Variants in TADA2A observed in about 807,000 individuals in gnomAD.
TADA2A encodes transcriptional adapter 2-alpha.
TADA2A carries 38 observed loss-of-function variants against 67.4 expected under a neutral mutation model. The ratio of observed to expected loss-of-function variants is 0.56; its 90% CI spans 0.44 to 0.74. TADA2A has a LOEUF of 0.74. TADA2A is among the 30% of genes least tolerant of loss of function. The probability of loss-of-function intolerance (pLI) is 0.00; values close to 1 mark genes in which losing one functional copy is unlikely to be tolerated. For missense variants in TADA2A, 454 were observed against 547.0 expected (o/e 0.83, Z 1.70); for synonymous variants, 192 against 181.6 (o/e 1.06, Z -0.46).
At chr17:37,442,528 T>C in intron 6 of TADA2A, 36 bp from the exon 7 acceptor site, 2 of 1,516,068 alleles carry the variant, frequency 1.3e-6, no homozygotes, top group South Asian at 2.3e-5. Flanking sequence ...GCCAATATTG[T>C]ATTAGTTAAC....
Position 37,422,797 on chromosome 17 carries a change from G to A in TADA2A, c.26-712G>A, listed in dbSNP as rs147469178. Among the ~76,000 whole-genome samples the A allele has an allele frequency of 3.2e-4, 48 of 152,202 alleles. 1 individual carries two copies. The highest frequency in any genetic ancestry group is 1.2e-3 in the African/African-American group (48 of 41,518). ...AATTACAGGGTAAGCTAATGTGGCC[G>A]GCCTACAGTGATTATTTATATGCTT... On this transcript the variant is annotated intron_variant, in intron 2 of 15. Transcript: ENST00000615182.
At chr17:37,464,245 A>G (rs2053611415) in intron 10 of TADA2A, among the ~76,000 whole-genome samples, 1 of 152,204 alleles carries the variant, frequency 6.6e-6, no homozygotes, top group Non-Finnish European at 1.5e-5. Context: ...ATAAAACTTC[A>G]TTAGCAGTAA....
chr17:37,426,188 C>T (rs542121627), intron 3 of TADA2A, among the ~76,000 whole-genome samples: 5 of 152,118 alleles, frequency 3.3e-5, no homozygotes, highest in East Asian at 1.9e-4. Flanking sequence ...GGCTGAAATA[C>T]GGTTTCAGAG....
rs55935249 is a variant in TADA2A at position 37,458,637 on chromosome 17, TTGTGTGTG to T, written c.668+80_668+87del. On this transcript the variant is annotated intron_variant, in intron 9 of 15. Transcript: ENST00000615182. ...CTCCTTTCAGCTTTGGATTATTGTT[TTGTGTGTG>T]TGTGTGTGTGTGTGTGTGTGTGTGT... 3.2e-3 allele frequency: 3,143 copies of T among 978,364 alleles called. 2 individuals carry two copies. Among genetic ancestry groups the T allele is most frequent in the Middle Eastern group, 6.0e-3 (19 of 3,188 alleles). 60.6% of individuals were successfully genotyped at this position (978,364 alleles called of 1,614,324 possible). A position where few individuals can be genotyped will look rare whatever the true frequency, so the allele number is the denominator to read the frequency against.
rs547377630 is a variant in TADA2A, at chr17:37,478,372, C to T, written c.*1390C>T. 1 of 152,262 alleles carries T rather than the reference C, an allele frequency of 6.6e-6. No individual in the cohort carries two copies. The highest frequency in any genetic ancestry group is 1.9e-4 in the East Asian group (1 of 5,186). 9.4% of individuals were successfully genotyped at this position (152,262 alleles called of 1,614,324 possible). On this transcript the variant is annotated 3_prime_UTR_variant, in exon 16 of 16. Coordinates refer to ENST00000615182, the MANE Select transcript of TADA2A (RefSeq NM_001166105.3). ...GCTGTCACATGTGTCCTGAACTCAC[C>T]CTGTTTTTGCCCTGGGTTTCCCAGG...
chr17:37,463,847 G>A (rs1278060295), intron 10 of TADA2A, among the ~76,000 whole-genome samples: 1 of 151,944 alleles, frequency 6.6e-6, no homozygotes, highest in Non-Finnish European at 1.5e-5. Context: ...CAACTACTCA[G>A]GAGGCTGAGG....
At position 37,417,953 on chromosome 17, in the gene TADA2A, A is replaced by G. The variant is rs141749632; in HGVS notation, c.26-5556A>G. On this transcript the variant is annotated intron_variant, in intron 2 of 15. Transcript: ENST00000615182. ...ATAATAAAGCAATATGTATTTCAAT[A>G]TGTTTAGACATAATTACAATAGAAG... is the stretch of plus-strand genomic sequence containing the variant. Among the ~76,000 whole-genome samples the G allele has an allele frequency of 1.1e-3, 166 of 152,360 alleles. 3 individuals are homozygous for G. In the East Asian group the frequency reaches 0.027, roughly 25 times the overall value.
chr17:37,428,435 C>G (rs1246778055), intron 4 of TADA2A, among the ~76,000 whole-genome samples: 1 of 152,224 alleles, frequency 6.6e-6, no homozygotes, highest in Non-Finnish European at 1.5e-5. Context: ...AGGCTGTCTG[C>G]ATTCCCTGGC....
At chr17:37,476,281 C>A (rs750958390) in intron 15 of TADA2A, among the ~76,000 whole-genome samples, 5 of 152,196 alleles carry the variant, frequency 3.3e-5, no homozygotes, top group Non-Finnish European at 7.3e-5. Context: ...GTTACCTCCT[C>A]TTAGCAAGGT....
intron 2 of TADA2A, among the ~76,000 whole-genome samples, chr17:37,412,568 G>C (rs2051910915): frequency 6.6e-6 from 1 of 152,152 alleles, no homozygotes; most frequent in African/African-American, 2.4e-5. Context: ...GGTGGATCAT[G>C]AGGTCAGGAG....
intron 14 of TADA2A, 132 bp downstream of exon 14, chr17:37,471,269 C>A: frequency 1.2e-6 from 1 of 852,382 alleles, no homozygotes; most frequent in South Asian, 1.5e-5. Context: ...AAGTGTTAGC[C>A]CAATATATAA....
In TADA2A at chr17:37,411,261, G is replaced by C; in HGVS notation, c.-97-8G>C. The stretch of plus-strand genomic sequence containing the variant: ...TCTGATCCATGTGCCACTTTTGTTT[G>C]TTCCTAGGGAGTCATCAAGCTTTGG... On this transcript the variant is annotated splice_polypyrimidine_tract_variant and splice_region_variant and intron_variant, in intron 1 of 15. Transcript: ENST00000615182. The C allele has an allele frequency of 9.4e-7, 1 of 1,060,306 alleles. No homozygotes were observed. Among genetic ancestry groups the C allele is most frequent in the Non-Finnish European group, 1.5e-6 (1 of 685,062 alleles). The allele number at this position is 1,060,306 out of a possible 1,614,324, so 65.7% of individuals were successfully genotyped here.
chr17:37,472,100 C>CT (rs1476155626), intron 14 of TADA2A, among the ~76,000 whole-genome samples: 4 of 151,680 alleles, frequency 2.6e-5, no homozygotes, highest in African/African-American at 9.7e-5. Context: ...GAGTCTCGCT[C>CT]TGTCACCCAG....
chr17:37,468,730 G>A lies in TADA2A; in HGVS notation c.895+1205G>A, dbSNP rs1209443450. On this transcript the variant is annotated intron_variant, in intron 12 of 15. Transcript: ENST00000615182. ...GTGTAAAGATTTAATTAGAGATACT[G>A]CATATAAGCATAGCACAGTATCTGG... Among the ~76,000 whole-genome samples, 3 of 142,588 alleles carry A rather than the reference G, an allele frequency of 2.1e-5. No individual in the cohort carries two copies. The Admixed American group carries it at 2.3e-4, about 11-fold the overall frequency. 93.5% of individuals were successfully genotyped at this position (142,588 alleles called of 152,430 possible). A position where few individuals can be genotyped will look rare whatever the true frequency, so the allele number is the denominator to read the frequency against.
chr17:37,418,782 T>A (rs1248153916), intron 2 of TADA2A, among the ~76,000 whole-genome samples: 1 of 151,836 alleles, frequency 6.6e-6, no homozygotes, highest in East Asian at 1.9e-4. Context: ...AGAGGTGGGG[T>A]TTCACCATGT....
At chr17:37,475,504 G>A (rs551136951) in intron 15 of TADA2A, among the ~76,000 whole-genome samples, 18 of 151,868 alleles carry the variant, frequency 1.2e-4, no homozygotes, top group African/African-American at 4.1e-4. Context: ...TGAAAGTCTC[G>A]CTCTGTTACC....
chr17:37,411,969 G>T (rs1014558542), intron 2 of TADA2A, among the ~76,000 whole-genome samples: 2 of 151,618 alleles, frequency 1.3e-5, no homozygotes, highest in Non-Finnish European at 2.9e-5. Flanking sequence ...CCAGCACTTT[G>T]GGAGGCCGAG....
intron 1 of TADA2A, among the ~76,000 whole-genome samples, chr17:37,409,489 G>C (rs1194432336): frequency 1.3e-5 from 2 of 152,164 alleles, no homozygotes; most frequent in Non-Finnish European, 2.9e-5. Context: ...TGAGTGGGCC[G>C]GGTGCGGTGG....
rs1030003158 is a variant in TADA2A at position 37,461,888 on chromosome 17, G to A, written c.669-190G>A. 1.2e-4 allele frequency: 61 copies of A among 511,834 alleles called. No individual in the cohort carries two copies. The Middle Eastern group carries it at 2.0e-3, about 17-fold the overall frequency. 31.7% of individuals were successfully genotyped at this position (511,834 alleles called of 1,614,324 possible). On this transcript the variant is annotated intron_variant, in intron 9 of 15. Coordinates refer to ENST00000615182, the MANE Select transcript of TADA2A (RefSeq NM_001166105.3). ...CTATGCCCAACAAGAGGAAAAACCC[G>A]TGATGCCTGAGAGTCTAAAATTGGG... is the stretch of plus-strand genomic sequence containing the variant.
Sources: allele counts gnomAD v4.1 joint callset (sites outside exome capture counted in the v4.1 genomes callset), GRCh38; gene constraint gnomAD v4.1.1; transcripts MANE v1.5; gene names NCBI Gene and HGNC (gene_info 2026-07-23, HGNC 2026-07-21).